The following CCDC144A variants were observed in gnomAD, a reference collection of about 807,000 sequenced individuals.
CCDC144A encodes coiled-coil domain containing 144A, also known as coiled-coil domain-containing protein 144A.
Under a neutral mutation model 143.8 loss-of-function variants are expected in CCDC144A, and 41 were observed. That is an observed-to-expected ratio of 0.29 (90% CI 0.22 to 0.37). The LOEUF (loss-of-function observed/expected upper bound fraction) is 0.37. Ranked by LOEUF, CCDC144A falls within the 10% of genes least tolerant of loss-of-function variation. CCDC144A has a pLI of 1.00. For missense variants in CCDC144A, 637 were observed against 1,488.8 expected (o/e 0.43, Z 9.41); for synonymous variants, 242 against 517.9 (o/e 0.47, Z 7.23).
intron 3 of CCDC144A, chr17:16,705,608 G>A (rs546239046): frequency 4.7e-5 from 26 of 556,654 alleles, no homozygotes; most frequent in African/African-American, 4.3e-4. Context: ...GGGAAAGCAT[G>A]ATTTTCTTTA....
chr17:16,705,866 T>G (rs1912021285), intron 3 of CCDC144A: 1 of 184,442 alleles, frequency 5.4e-6, no homozygotes, highest in African/African-American at 2.4e-5. Flanking sequence ...GATCATGAGG[T>G]CAGTAGTTCG....
the CCDC144A span, chr17:16,683,540 G>A: frequency 6.3e-7 from 1 of 1,575,078 alleles, no homozygotes; most frequent in South Asian, 1.1e-5. Flanking sequence ...GGGGCGGCAA[G>A]TCCGCGGTCT....
chr17:16,686,631 C>T (rs1350121811), upstream of CCDC144A, among the ~76,000 whole-genome samples: 1 of 151,588 alleles, frequency 6.6e-6, no homozygotes, highest in Non-Finnish European at 1.5e-5. Flanking sequence ...CATGGCAAGA[C>T]CTCTGACTCC....
At chr17:16,757,616 C>T (rs1198702730) in intron 12 of CCDC144A, among the ~76,000 whole-genome samples, 1 of 152,240 alleles carries the variant, frequency 6.6e-6, no homozygotes, top group Non-Finnish European at 1.5e-5. Flanking sequence ...ATGGGCGCCA[C>T]CCCTGGTGGG....
intron 12 of CCDC144A, among the ~76,000 whole-genome samples, chr17:16,744,726 CTTTCTTTTTTTT>C (rs928574335): frequency 2.7e-5 from 4 of 150,652 alleles, no homozygotes; most frequent in Non-Finnish European, 5.9e-5. Context: ...CCCAATTTTT[CTTTCTTTTTTTT>C]TTTCTTTAAC....
intron 15 of CCDC144A, among the ~76,000 whole-genome samples, chr17:16,767,770 AATAAT>A (rs1343736221): frequency 1.3e-5 from 2 of 152,256 alleles, no homozygotes; most frequent in Non-Finnish European, 2.9e-5. Context: ...ACACCAGAGA[AATAAT>A]ATATTATAAC....
chr17:16,767,834 T>C (rs1468893488), intron 15 of CCDC144A, among the ~76,000 whole-genome samples: 1 of 152,278 alleles, frequency 6.6e-6, no homozygotes, highest in Non-Finnish European at 1.5e-5. Flanking sequence ...TAGCATTTAT[T>C]GCATCTCTCA....
intron 12 of CCDC144A, among the ~76,000 whole-genome samples, chr17:16,759,941 T>TTA (rs1352973805): frequency 6.6e-6 from 1 of 152,246 alleles, no homozygotes; most frequent in Non-Finnish European, 1.5e-5. Flanking sequence ...CTGAGGTGAC[T>TTA]TAAAGCTGGG....
intron 6 of CCDC144A, among the ~76,000 whole-genome samples, chr17:16,713,578 A>G (rs1310149646): frequency 1.3e-5 from 2 of 152,212 alleles, no homozygotes; most frequent in Admixed American, 1.3e-4. Flanking sequence ...AGCAAGAAAT[A>G]CTTCTCCTGA....
In CCDC144A at chr17:16,745,791, G is replaced by T. The variant is rs1488451774; in HGVS notation, c.3372+10148G>T. 1.6e-5 allele frequency: 25 copies of T among 1,610,988 alleles called. No individual in the cohort carries two copies. In the South Asian group the frequency reaches 2.8e-4, roughly 18 times the overall value. On this transcript the variant is annotated intron_variant, in intron 12 of 16. Transcript: ENST00000399273. The stretch of plus-strand genomic sequence containing the variant: ...TGCCAGTCGCTCTTTTCTGGGTGCT[G>T]GACTGTCGTCACACCTCTGCGCTCT...
chr17:16,771,629 GT>G (rs1915826208), intron 15 of CCDC144A, among the ~76,000 whole-genome samples: 2 of 152,260 alleles, frequency 1.3e-5, no homozygotes. Context: ...AAAGGGCAGA[GT>G]TTTGATAAGA....
intron 12 of CCDC144A, among the ~76,000 whole-genome samples, chr17:16,749,523 G>A (rs1250653207): frequency 6.6e-6 from 1 of 152,122 alleles, no homozygotes; most frequent in Non-Finnish European, 1.5e-5. Flanking sequence ...TGTTGATCTT[G>A]GAGTATGTTC....
rs536383875 is a variant in CCDC144A at position 16,690,935 on chromosome 17, A to T, written c.344+191A>T. ...GGTCTACTTTACAGGAGTTTTCTTT[A>T]AAAATATTGCACTTCCCAACTGTGT... is the stretch of plus-strand genomic sequence containing the variant. On this transcript the variant is annotated intron_variant, in intron 1 of 16. Transcript: ENST00000399273. 1.4e-4 allele frequency among the ~76,000 whole-genome samples: 22 copies of T among 152,338 alleles called. No homozygotes were observed. The East Asian group carries it at 2.1e-3, about 15-fold the overall frequency.
In CCDC144A at chr17:16,736,462, C is replaced by T. The variant is rs1914008402; in HGVS notation, c.3372+819C>T. Among the ~76,000 whole-genome samples the T allele has an allele frequency of 2.0e-5, 3 of 151,482 alleles. No individual in the cohort carries two copies. In the South Asian group the frequency reaches 6.3e-4, roughly 32 times the overall value. ...CATAATTTGGGACAGATGTGAATTT[C>T]AGCAAAGCCATGTTACATTTAATCT... On this transcript the variant is annotated intron_variant, in intron 12 of 16. Transcript: ENST00000399273.
chr17:16,734,140 C>T (rs1218128110), intron 11 of CCDC144A, among the ~76,000 whole-genome samples: 1 of 90,668 alleles, frequency 1.1e-5, no homozygotes, highest in African/African-American at 5.4e-5. Context: ...GACCCTATCT[C>T]GAAAAAAAAA....
intron 4 of CCDC144A, among the ~76,000 whole-genome samples, chr17:16,707,876 T>C (rs1213122093): frequency 6.6e-6 from 1 of 152,196 alleles, no homozygotes; most frequent in Non-Finnish European, 1.5e-5. Flanking sequence ...TTATGAACAA[T>C]TTAACAGTGA....
chr17:16,678,574 CTT>C, the CCDC144A span, among the ~76,000 whole-genome samples: 2 of 134,466 alleles, frequency 1.5e-5, no homozygotes, highest in Non-Finnish European at 3.1e-5. Flanking sequence ...TTCTTTTTTT[CTT>C]TTTCTTTTCT....
chr17:16,773,207 G>A (rs1385909106), intron 16 of CCDC144A, among the ~76,000 whole-genome samples: 1 of 151,904 alleles, frequency 6.6e-6, no homozygotes, highest in African/African-American at 2.4e-5. Flanking sequence ...CCAGCACTTT[G>A]GGAGCCTGAG....
chr17:16,724,457 C>G (rs1913272836), intron 8 of CCDC144A, among the ~76,000 whole-genome samples: 1 of 151,004 alleles, frequency 6.6e-6, no homozygotes, highest in South Asian at 2.1e-4. Flanking sequence ...TTGCAGTGAG[C>G]CGAGATCCCG....
Sources: allele counts gnomAD v4.1 joint callset (sites outside exome capture counted in the v4.1 genomes callset), GRCh38; gene constraint gnomAD v4.1.1; transcripts MANE v1.5; gene names NCBI Gene and HGNC (gene_info 2026-07-23, HGNC 2026-07-21).